The following ARID1B variants were observed in gnomAD, a reference collection of about 807,000 sequenced individuals.
The protein encoded by ARID1B is AT-rich interactive domain-containing protein 1B.
In ARID1B, 30 loss-of-function variants were observed where a neutral mutation model predicts 212.3. The observed-to-expected ratio is 0.14, with a 90% CI of 0.11 to 0.19. The LOEUF (loss-of-function observed/expected upper bound fraction) is 0.19, where lower values mean the gene tolerates loss of function less well. Ranked by LOEUF, ARID1B falls within the 10% of genes least tolerant of loss-of-function variation. The pLI, the probability that ARID1B is intolerant of heterozygous loss-of-function variation, is 1.00. For missense variants in ARID1B, 2,891 were observed against 3,204.0 expected, an observed-to-expected ratio of 0.90 and a Z score of 2.36; for synonymous variants, 1,402 against 1,301.7, an observed-to-expected ratio of 1.08 and a Z score of -1.66.
rs562991198 is a variant in ARID1B at position 156,946,229 on chromosome 6, G to A, written c.2247+10653G>A. 1.5e-4 allele frequency among the ~76,000 whole-genome samples: 22 copies of A among 150,860 alleles called. No homozygotes were observed. In the East Asian group the frequency reaches 3.7e-3, roughly 25 times the overall value. On this transcript the variant is annotated intron_variant, in intron 4 of 19. Coordinates refer to ENST00000636930, the MANE Select transcript of ARID1B (RefSeq NM_001374828.1). ...AAAAAAAAAAAAAAAAATGTTCGCCGGGCATGGCAGTGCACGCCTGTTATC... is the reference window on the plus strand; with the variant it reads ...AAAAAAAAAAAAAAAAATGTTCGCCAGGCATGGCAGTGCACGCCTGTTATC...
chr6:157,051,537 A>C (rs1782605525), intron 4 of ARID1B, among the ~76,000 whole-genome samples: 1 of 152,222 alleles, frequency 6.6e-6, no homozygotes, highest in South Asian at 2.1e-4. Context: ...GTAACCTCTT[A>C]AATTCACTCT....
At chr6:156,817,478 A>G (rs1282816547) in intron 1 of ARID1B, among the ~76,000 whole-genome samples, 2 of 152,080 alleles carry the variant, frequency 1.3e-5, no homozygotes, top group Non-Finnish European at 2.9e-5. Flanking sequence ...TCTATAAAAA[A>G]AATTAGCCAG....
chr6:156,791,354 G>A (rs1779994969), intron 1 of ARID1B, among the ~76,000 whole-genome samples: 2 of 152,348 alleles, frequency 1.3e-5, no homozygotes, highest in Admixed American at 1.3e-4. Context: ...GAGGTAATGT[G>A]TATGGCATCA....
rs947946019 is a variant in ARID1B at position 157,076,008 on chromosome 6, G to A, written c.2248-8654G>A. Among the ~76,000 whole-genome samples the A allele has an allele frequency of 4.6e-5, 7 of 152,160 alleles. 1 individual carries two copies. In the East Asian group the frequency reaches 5.8e-4, roughly 13 times the overall value. On this transcript the variant is annotated intron_variant, in intron 4 of 19. Coordinates refer to ENST00000636930, the MANE Select transcript of ARID1B (RefSeq NM_001374828.1). Reference sequence around the variant, plus strand: ...AATGAAGTCTCTGGTTAACAGTGTCGTAGTACTGTTCATTTTGCAGTTTTG... The same window carrying A: ...AATGAAGTCTCTGGTTAACAGTGTCATAGTACTGTTCATTTTGCAGTTTTG...
chr6:156,986,637 A>T (rs918672256), intron 4 of ARID1B, among the ~76,000 whole-genome samples: 1 of 152,220 alleles, frequency 6.6e-6, no homozygotes, highest in Non-Finnish European at 1.5e-5. Flanking sequence ...CCCGGCTCAT[A>T]GTAATTACTC....
At chr6:156,900,906 G>T in intron 2 of ARID1B, among the ~76,000 whole-genome samples, 1 of 152,270 alleles carries the variant, frequency 6.6e-6, no homozygotes, top group East Asian at 1.9e-4. Context: ...AATGCCGTTG[G>T]TATATTCTGA....
intron 5 of ARID1B, among the ~76,000 whole-genome samples, chr6:157,091,949 G>A (rs1214817955): frequency 2.6e-5 from 4 of 152,000 alleles, no homozygotes; most frequent in Admixed American, 6.5e-5. Context: ...AATATCTATC[G>A]AATGTTCCTT....
intron 2 of ARID1B, among the ~76,000 whole-genome samples, chr6:156,887,373 A>T (rs1787597058): frequency 6.6e-6 from 1 of 152,202 alleles, no homozygotes; most frequent in Admixed American, 6.5e-5. Context: ...TCTGTGGAGA[A>T]GTTGGACCCT....
chr6:156,804,635 G>C (rs1206192729), intron 1 of ARID1B, among the ~76,000 whole-genome samples: 4 of 152,068 alleles, frequency 2.6e-5, no homozygotes, highest in Non-Finnish European at 5.9e-5. Context: ...GATTTCGTGA[G>C]AACTAACACA....
At chr6:157,042,753 G>A (rs1781973145) in intron 4 of ARID1B, among the ~76,000 whole-genome samples, 1 of 151,098 alleles carries the variant, frequency 6.6e-6, no homozygotes, top group Non-Finnish European at 1.5e-5. Context: ...CCACTTCCCA[G>A]GTTCAAGTGA....
rs138273138 is a variant in ARID1B, at chr6:157,192,542, C to T, written c.4231+2332C>T. Among the ~76,000 whole-genome samples, 566 of 152,232 alleles carry T rather than the reference C, an allele frequency of 3.7e-3. 3 individuals are homozygous for T. Among genetic ancestry groups the T allele is most frequent in the African/African-American group, 0.013 (525 of 41,518 alleles). ...TAAGTTGAAAACACACTTTCACTTA[C>T]GATATTTTTGATTGACAATGAGTTG... On this transcript the variant is annotated intron_variant, in intron 15 of 19. Transcript: ENST00000636930.
chr6:157,104,471 C>T (rs1221109762), intron 5 of ARID1B, among the ~76,000 whole-genome samples: 1 of 152,098 alleles, frequency 6.6e-6, no homozygotes, highest in Non-Finnish European at 1.5e-5. Flanking sequence ...TGTCTATTTA[C>T]GGATGATATA....
At chr6:157,034,301 G>A (rs1781187209) in intron 4 of ARID1B, among the ~76,000 whole-genome samples, 1 of 152,216 alleles carries the variant, frequency 6.6e-6, no homozygotes, top group Non-Finnish European at 1.5e-5. Flanking sequence ...ATGAATGAGT[G>A]ATGGTCTTTT....
chr6:157,205,584 A>T (rs1439603561), intron 19 of ARID1B: 1 of 152,190 alleles, frequency 6.6e-6, no homozygotes, highest in African/African-American at 2.4e-5. Context: ...TTTGTTTTTA[A>T]TTTTCAGTGT....
At chr6:157,165,072 T>TACTTG (rs1364114696) in intron 8 of ARID1B, among the ~76,000 whole-genome samples, 1 of 152,208 alleles carries the variant, frequency 6.6e-6, no homozygotes, top group African/African-American at 2.4e-5. Context: ...ACTTCTAAGG[T>TACTTG]ACTTGAGTTA....
intron 4 of ARID1B, among the ~76,000 whole-genome samples, chr6:157,068,762 G>A (rs916478645): frequency 7.2e-5 from 11 of 152,178 alleles, no homozygotes; most frequent in East Asian, 1.9e-4. Context: ...ACACACGTGC[G>A]TACACAGATG....
intron 7 of ARID1B, among the ~76,000 whole-genome samples, chr6:157,139,970 C>T (rs1291572833): frequency 6.6e-6 from 1 of 151,800 alleles, no homozygotes; most frequent in Non-Finnish European, 1.5e-5. Context: ...GTGATTCACC[C>T]GCCTCAGCCT....
In ARID1B at chr6:157,198,826, G is replaced by A. The variant is rs2128366024; in HGVS notation, c.4398G>A (p.Gly1466=). 6.2e-7 allele frequency: 1 copy of A among 1,612,058 alleles called. No individual in the cohort carries two copies. The highest frequency in any genetic ancestry group is 8.5e-7 in the Non-Finnish European group (1 of 1,179,104). The change falls in exon 17 of 20, where the codon GGG becomes GGA. Residue 1466 remains glycine (G), a synonymous_variant. Coordinates refer to ENST00000636930, the MANE Select transcript of ARID1B (RefSeq NM_001374828.1). The part of the protein sequence containing the change: ...ASYDRRHEPY[G]QQYPGQGPPS... ...CTCATTCCAGGCATGAACCTTATGG[G>A]CAGCAGTATCCAGGCCAAGGCCCTC...
intron 11 of ARID1B, among the ~76,000 whole-genome samples, chr6:157,177,392 A>C (rs1230546227): frequency 6.6e-6 from 1 of 152,192 alleles, no homozygotes; most frequent in Admixed American, 6.5e-5. Context: ...GGAATAGTTA[A>C]CTGCTCTTTC....
Sources: allele counts gnomAD v4.1 joint callset (sites outside exome capture counted in the v4.1 genomes callset), GRCh38; gene constraint gnomAD v4.1.1; transcripts MANE v1.5; gene names NCBI Gene and HGNC (gene_info 2026-07-23, HGNC 2026-07-21).